Variants in PCDH15 observed in about 807,000 individuals in gnomAD.
PCDH15 encodes protocadherin-15.
In PCDH15, 129 loss-of-function variants were observed where a neutral mutation model predicts 178.5. The observed-to-expected ratio is 0.72, with a 90% CI of 0.63 to 0.84. The LOEUF (loss-of-function observed/expected upper bound fraction) is 0.84. Among genes scored for constraint, PCDH15 ranks in the 40% least tolerant of loss-of-function variants. The pLI, the probability that PCDH15 is intolerant of heterozygous loss-of-function variation, is 0.00. For missense variants in PCDH15, 2,230 were observed against 2,099.9 expected (o/e 1.06, Z -1.21); for synonymous variants, 800 against 732.0 (o/e 1.09, Z -1.50).
At chr10:55,247,220 G>A (rs1357775841) in intron 1 of PCDH15, among the ~76,000 whole-genome samples, 2 of 152,066 alleles carry the variant, frequency 1.3e-5, no homozygotes, top group African/African-American at 2.4e-5. Flanking sequence ...TCAACACTTT[G>A]TTTAAACTCT....
intron 2 of PCDH15, among the ~76,000 whole-genome samples, chr10:55,075,230 T>C (rs1387105190): frequency 6.6e-6 from 1 of 152,140 alleles, no homozygotes; most frequent in African/African-American, 2.4e-5. Context: ...TATGAGAATA[T>C]GGTGTTCATA....
chr10:54,104,601 G>A (rs964306851), intron 15 of PCDH15, among the ~76,000 whole-genome samples: 1 of 151,978 alleles, frequency 6.6e-6, no homozygotes, highest in Non-Finnish European at 1.5e-5. Context: ...ACTTTGGGAG[G>A]CCAAGGCAGG....
chr10:54,135,416 A>G, intron 14 of PCDH15, among the ~76,000 whole-genome samples: 1 of 152,144 alleles, frequency 6.6e-6, no homozygotes, highest in East Asian at 1.9e-4. Context: ...TTGCTTATAT[A>G]CTTATAATTA....
intron 1 of PCDH15, among the ~76,000 whole-genome samples, chr10:55,176,775 G>A (rs963326253): frequency 6.6e-6 from 1 of 152,002 alleles, no homozygotes; most frequent in Non-Finnish European, 1.5e-5. Flanking sequence ...TGGACCTAAA[G>A]GATGCTTTTT....
intron 3 of PCDH15, among the ~76,000 whole-genome samples, chr10:54,384,508 A>G (rs550922166): frequency 3.1e-4 from 47 of 152,228 alleles, no homozygotes; most frequent in African/African-American, 9.9e-4. Context: ...TGTAAGTGTG[A>G]TTTATTAGAT....
At chr10:55,314,876 A>G (rs1843684144) in intron 1 of PCDH15, among the ~76,000 whole-genome samples, 1 of 152,176 alleles carries the variant, frequency 6.6e-6, no homozygotes, top group Admixed American at 6.5e-5. Context: ...TCAGAGTGAG[A>G]TGACTGTAAT....
intron 3 of PCDH15, among the ~76,000 whole-genome samples, chr10:54,895,633 G>T (rs112772018): frequency 2.0e-5 from 3 of 152,078 alleles, no homozygotes; most frequent in African/African-American, 7.2e-5. Flanking sequence ...CCTAAAAGAG[G>T]CAAGAAATTT....
chr10:54,135,605 C>T (rs2042839110), intron 14 of PCDH15, among the ~76,000 whole-genome samples: 1 of 152,174 alleles, frequency 6.6e-6, no homozygotes, highest in Admixed American at 6.5e-5. Flanking sequence ...TGATATTACC[C>T]TTGAAGATCT....
chr10:55,424,892 A>T lies in PCDH15; in HGVS notation c.-156+202733T>A, dbSNP rs1030247852. Among the ~76,000 whole-genome samples, 197 of 89,606 alleles carry T rather than the reference A, an allele frequency of 2.2e-3. 3 individuals are homozygous for T. The highest frequency in any genetic ancestry group is 0.011 in the African/African-American group (196 of 17,632). 58.8% of individuals were successfully genotyped at this position (89,606 alleles called of 152,430 possible). A position where few individuals can be genotyped will look rare whatever the true frequency, so the allele number is the denominator to read the frequency against. On this transcript the variant is annotated intron_variant, in intron 2 of 5. Coordinates refer to the PCDH15 transcript ENST00000613346. ...TATTGCAACAGTTGATGTGGCAATT[A>T]AAAAAAAGTGTGATATTAAAAAATA... is the stretch of plus-strand genomic sequence containing the variant.
At chr10:54,450,754 A>C (rs2076434683) in intron 3 of PCDH15, among the ~76,000 whole-genome samples, 1 of 151,870 alleles carries the variant, frequency 6.6e-6, no homozygotes, top group Admixed American at 6.6e-5. Flanking sequence ...TGTCATCTCC[A>C]CATTCAAAAG....
chr10:54,491,226 T>C (rs1040558109), intron 3 of PCDH15, among the ~76,000 whole-genome samples: 1 of 151,880 alleles, frequency 6.6e-6, no homozygotes, highest in Non-Finnish European at 1.5e-5. Flanking sequence ...TTAAATGTTA[T>C]TGTGTGTTAC....
intron 21 of PCDH15, chr10:53,995,344 C>T (rs2091777015): frequency 4.9e-6 from 2 of 404,228 alleles, no homozygotes; most frequent in South Asian, 5.3e-5. Flanking sequence ...TAAAACATAT[C>T]CAGATTAAGT....
intron 2 of PCDH15, among the ~76,000 whole-genome samples, chr10:55,592,178 GTCCAATC>G (rs1842854640): frequency 6.6e-6 from 1 of 152,138 alleles, no homozygotes; most frequent in Non-Finnish European, 1.5e-5. Flanking sequence ...GCCCTGGCAA[GTCCAATC>G]TCTATTCTTC....
chr10:55,423,137 A>T (rs1838663753), intron 2 of PCDH15, among the ~76,000 whole-genome samples: 2 of 151,948 alleles, frequency 1.3e-5, no homozygotes, highest in Admixed American at 1.3e-4. Flanking sequence ...CACAGTAAAA[A>T]TTATCATAAA....
intron 2 of PCDH15, among the ~76,000 whole-genome samples, chr10:55,478,228 T>TC (rs1215283687): frequency 6.6e-6 from 1 of 151,742 alleles, no homozygotes; most frequent in Non-Finnish European, 1.5e-5. Context: ...GTATGAGACT[T>TC]CAGCATCCCA....
chr10:55,562,946 A>G (rs1300386382), intron 2 of PCDH15, among the ~76,000 whole-genome samples: 2 of 152,006 alleles, frequency 1.3e-5, no homozygotes, highest in Non-Finnish European at 2.9e-5. Flanking sequence ...TGAAACTTAC[A>G]AATTCCAGGA....
At chr10:54,268,575 C>T (rs1046682827) in intron 8 of PCDH15, among the ~76,000 whole-genome samples, 1 of 151,870 alleles carries the variant, frequency 6.6e-6, no homozygotes, top group Non-Finnish European at 1.5e-5. Flanking sequence ...GAATACTATG[C>T]ATCCAGAAGA....
chr10:55,597,721 CA>C (rs1564473313), intron 2 of PCDH15, among the ~76,000 whole-genome samples: 1 of 152,112 alleles, frequency 6.6e-6, no homozygotes, highest in Admixed American at 6.6e-5. Flanking sequence ...CCTAAACTTC[CA>C]GGACTGCAAA....
At chr10:55,265,220 A>G (rs1029601755) in intron 1 of PCDH15, among the ~76,000 whole-genome samples, 1 of 151,884 alleles carries the variant, frequency 6.6e-6, no homozygotes, top group African/African-American at 2.4e-5. Flanking sequence ...TAGTACTTAA[A>G]GCAAATCAAG....
Sources: allele counts gnomAD v4.1 joint callset (sites outside exome capture counted in the v4.1 genomes callset), GRCh38; gene constraint gnomAD v4.1.1; transcripts MANE v1.5; gene names NCBI Gene and HGNC (gene_info 2026-07-23, HGNC 2026-07-21).